RPS6KC1: variants seen among roughly 807,000 people sequenced by gnomAD.
RPS6KC1 encodes the protein ribosomal protein S6 kinase C1.
In RPS6KC1, 54 loss-of-function variants were observed where a neutral mutation model predicts 103.8. The observed-to-expected ratio is 0.52, with a 90% CI of 0.42 to 0.65. The LOEUF is 0.65. Among genes scored for constraint, RPS6KC1 ranks in the 30% least tolerant of loss-of-function variants. The probability of loss-of-function intolerance (pLI) is 0.00; values close to 1 mark genes in which losing one functional copy is unlikely to be tolerated. For missense variants in RPS6KC1, 1,151 were observed against 1,253.8 expected, an observed-to-expected ratio of 0.92 and a Z score of 1.24; for synonymous variants, 439 against 438.7, an observed-to-expected ratio of 1.00 and a Z score of -0.01.
chr1:213,445,352 G>A, the RPS6KC1 span, among the ~76,000 whole-genome samples: 1 of 152,328 alleles, frequency 6.6e-6, no homozygotes, highest in South Asian at 2.1e-4. Context: ...ATACCTAGGA[G>A]TGGAGTTGCT....
intron 6 of RPS6KC1, among the ~76,000 whole-genome samples, chr1:213,149,261 T>C (rs762042391): frequency 2.0e-5 from 3 of 152,186 alleles, no homozygotes; most frequent in Non-Finnish European, 2.9e-5. Context: ...TTGAAGTTTT[T>C]CCTCTTTTTT....
chr1:213,216,667 C>A (rs907049663), intron 8 of RPS6KC1, among the ~76,000 whole-genome samples: 2 of 152,312 alleles, frequency 1.3e-5, no homozygotes, highest in East Asian at 1.9e-4. Flanking sequence ...TTATAACAAA[C>A]TGTCTCTCAG....
the RPS6KC1 span, among the ~76,000 whole-genome samples, chr1:213,706,522 C>A: frequency 1.3e-5 from 2 of 152,030 alleles, no homozygotes; most frequent in African/African-American, 4.8e-5. Context: ...TAGTTAAAAC[C>A]AGATACTTTG....
chr1:213,654,572 G>C, the RPS6KC1 span, among the ~76,000 whole-genome samples: 1 of 152,088 alleles, frequency 6.6e-6, no homozygotes, highest in Non-Finnish European at 1.5e-5. Flanking sequence ...CCATGCTCCA[G>C]GAATGTCTCA....
the RPS6KC1 span, chr1:213,843,427 T>C: frequency 5.3e-5 from 8 of 152,174 alleles, no homozygotes; most frequent in African/African-American, 1.9e-4. Flanking sequence ...CCACAAGCCT[T>C]GGGAAGCTCT....
the RPS6KC1 span, chr1:213,546,568 G>A: frequency 6.6e-6 from 1 of 152,172 alleles, no homozygotes; most frequent in African/African-American, 2.4e-5. Flanking sequence ...TGTGCAATAT[G>A]AAAGTTTATC....
At chr1:213,222,900 C>T (rs765858280) in intron 8 of RPS6KC1, among the ~76,000 whole-genome samples, 14 of 152,166 alleles carry the variant, frequency 9.2e-5, no homozygotes, top group Non-Finnish European at 1.5e-4. Flanking sequence ...GTAAATTTGC[C>T]CATCTGGTTA....
the RPS6KC1 span, chr1:213,839,882 G>A: frequency 6.6e-6 from 1 of 152,164 alleles, no homozygotes; most frequent in Non-Finnish European, 1.5e-5. Flanking sequence ...GCCTAGAACA[G>A]TTCCTGGACC....
the RPS6KC1 span, among the ~76,000 whole-genome samples, chr1:213,825,229 C>G: frequency 6.6e-6 from 1 of 152,172 alleles, no homozygotes. Flanking sequence ...GGAATACCCC[C>G]AGGGTCCCCT....
chr1:213,667,306 C>A, the RPS6KC1 span, among the ~76,000 whole-genome samples: 1 of 152,096 alleles, frequency 6.6e-6, no homozygotes, highest in Non-Finnish European at 1.5e-5. Context: ...AAGCTTGGTT[C>A]CAGACCACAA....
At chr1:213,754,934 A>T in the RPS6KC1 span, among the ~76,000 whole-genome samples, 2 of 152,210 alleles carry the variant, frequency 1.3e-5, no homozygotes, top group African/African-American at 4.8e-5. Context: ...TGATTTAGCA[A>T]TCTAGTTCAA....
At chr1:213,153,422 A>T (rs1335243841) in intron 6 of RPS6KC1, among the ~76,000 whole-genome samples, 1 of 152,196 alleles carries the variant, frequency 6.6e-6, no homozygotes, top group Admixed American at 6.5e-5. Context: ...TTAACTTGAT[A>T]ACAACTTAAC....
chr1:213,303,031 C>T, the RPS6KC1 span, among the ~76,000 whole-genome samples: 1 of 152,180 alleles, frequency 6.6e-6, no homozygotes, highest in Non-Finnish European at 1.5e-5. Flanking sequence ...TGTGTGGGCA[C>T]ACTAAAGATT....
chr1:213,860,846 C>A, the RPS6KC1 span, among the ~76,000 whole-genome samples: 1 of 151,566 alleles, frequency 6.6e-6, no homozygotes, highest in Non-Finnish European at 1.5e-5. Context: ...TCTCACTCTG[C>A]CACCCAGGCT....
At chr1:213,158,706 A>G (rs2090168668) in intron 6 of RPS6KC1, among the ~76,000 whole-genome samples, 6 of 152,184 alleles carry the variant, frequency 3.9e-5, no homozygotes, top group Admixed American at 3.9e-4. Flanking sequence ...TTCAGACAGA[A>G]AGGCATGTTT....
chr1:213,711,225 C>G, the RPS6KC1 span, among the ~76,000 whole-genome samples: 4 of 152,118 alleles, frequency 2.6e-5, no homozygotes, highest in African/African-American at 9.7e-5. Flanking sequence ...TCTTTTTTCT[C>G]TAATCTTGCC....
chr1:213,189,203 C>T (rs999197411), intron 8 of RPS6KC1, among the ~76,000 whole-genome samples: 1 of 152,054 alleles, frequency 6.6e-6, no homozygotes, highest in African/African-American at 2.4e-5. Flanking sequence ...AATCCCAGCA[C>T]TTTGAGAGGC....
chr1:213,846,455 A>G, the RPS6KC1 span, among the ~76,000 whole-genome samples: 3 of 152,300 alleles, frequency 2.0e-5, no homozygotes, highest in East Asian at 1.9e-4. Flanking sequence ...AAGAAAATAG[A>G]ACGTTTTAGT....
the RPS6KC1 span, among the ~76,000 whole-genome samples, chr1:213,630,518 G>A: frequency 6.6e-6 from 1 of 152,162 alleles, no homozygotes; most frequent in African/African-American, 2.4e-5. Flanking sequence ...TTTGCCATGG[G>A]TTCGAACTTC....
Sources: gnomAD v4.1 joint callset for allele counts (sites outside exome capture counted in the v4.1 genomes callset) on GRCh38, gnomAD v4.1.1 for gene constraint, MANE v1.5 for transcripts, NCBI Gene and HGNC (gene_info 2026-07-23, HGNC 2026-07-21) for gene names.